Variants in C1QTNF3 observed in about 807,000 individuals in gnomAD.
C1QTNF3 encodes complement C1q tumor necrosis factor-related protein 3.
In C1QTNF3, 26 loss-of-function variants were observed where a neutral mutation model predicts 32.6. The observed-to-expected ratio is 0.80, with a 90% CI of 0.58 to 1.11. The LOEUF (loss-of-function observed/expected upper bound fraction) is 1.11, where lower values mean the gene tolerates loss of function less well. Among genes scored for constraint, C1QTNF3 ranks in the 50% least tolerant of loss-of-function variants. C1QTNF3 has a pLI of 0.00. For synonymous variants in C1QTNF3, 155 were observed against 146.0 expected (o/e 1.06, Z -0.44); for missense variants, 362 against 398.2 (o/e 0.91, Z 0.77).
intron 1 of C1QTNF3, among the ~76,000 whole-genome samples, chr5:34,042,175 A>T (rs1754886355): frequency 6.6e-6 from 1 of 152,050 alleles, no homozygotes; most frequent in South Asian, 2.1e-4. Context: ...CCTGAGAAAT[A>T]GATCAAGTCC....
the C1QTNF3 span, among the ~76,000 whole-genome samples, chr5:34,209,860 C>A: frequency 6.6e-6 from 1 of 152,024 alleles, no homozygotes; most frequent in South Asian, 2.1e-4. Flanking sequence ...CCTAAACTAA[C>A]GATTTTAAAC....
the C1QTNF3 span, chr5:34,167,037 AGTTTTCTCCAC>A: frequency 1.3e-5 from 2 of 152,132 alleles, no homozygotes; most frequent in Admixed American, 1.3e-4. Flanking sequence ...TAGAGATTCT[AGTTTTCTCCAC>A]ATTTTCTCTA....
chr5:34,230,187 C>A, the C1QTNF3 span, among the ~76,000 whole-genome samples: 1 of 152,176 alleles, frequency 6.6e-6, no homozygotes, highest in Non-Finnish European at 1.5e-5. Flanking sequence ...GAACATGCAT[C>A]AAAGAATGCA....
the C1QTNF3 span, among the ~76,000 whole-genome samples, chr5:34,066,084 T>C: frequency 1.3e-5 from 2 of 152,224 alleles, no homozygotes; most frequent in East Asian, 3.8e-4. Flanking sequence ...TCCTAGAAGG[T>C]CATATACCAG....
chr5:34,064,727 A>G, the C1QTNF3 span, among the ~76,000 whole-genome samples: 1 of 152,182 alleles, frequency 6.6e-6, no homozygotes, highest in East Asian at 1.9e-4. Flanking sequence ...TGTAACAAAC[A>G]CAGACCAGAA....
chr5:34,226,914 T>G, the C1QTNF3 span, among the ~76,000 whole-genome samples: 800 of 151,566 alleles, frequency 5.3e-3, 46 homozygotes, highest in East Asian at 0.11. Context: ...ACAAGATGGA[T>G]CCTTCTTCTG....
the C1QTNF3 span, among the ~76,000 whole-genome samples, chr5:34,118,210 G>T: frequency 6.6e-6 from 1 of 152,128 alleles, no homozygotes; most frequent in South Asian, 2.1e-4. Context: ...CGCTCGAGTA[G>T]CTGGAATTAC....
the C1QTNF3 span, among the ~76,000 whole-genome samples, chr5:34,065,094 G>T: frequency 1.3e-5 from 2 of 152,114 alleles, no homozygotes; most frequent in Non-Finnish European, 2.9e-5. Context: ...ACTATCAACA[G>T]AGTAAACAGA....
chr5:34,176,935 G>A, the C1QTNF3 span, among the ~76,000 whole-genome samples: 2 of 152,080 alleles, frequency 1.3e-5, no homozygotes, highest in Non-Finnish European at 2.9e-5. Context: ...GCTCAGGTCT[G>A]TAATCCCAGC....
At chr5:34,040,443 G>A (rs1432183433) in intron 1 of C1QTNF3, among the ~76,000 whole-genome samples, 1 of 151,990 alleles carries the variant, frequency 6.6e-6, no homozygotes, top group Non-Finnish European at 1.5e-5. Flanking sequence ...GGAGGAGGGA[G>A]AAATGGGTAT....
At chr5:34,126,910 G>T in the C1QTNF3 span, among the ~76,000 whole-genome samples, 1 of 152,108 alleles carries the variant, frequency 6.6e-6, no homozygotes, top group Admixed American at 6.6e-5. Context: ...TGAATCATGG[G>T]GGCGGACATC....
chr5:34,137,421 G>A, the C1QTNF3 span, among the ~76,000 whole-genome samples: 7 of 152,116 alleles, frequency 4.6e-5, no homozygotes, highest in African/African-American at 1.4e-4. Flanking sequence ...GTTAGACACA[G>A]CACACATATC....
chr5:34,200,470 A>G, the C1QTNF3 span: 1 of 151,988 alleles, frequency 6.6e-6, no homozygotes, highest in East Asian at 1.9e-4. Flanking sequence ...AGTTTGAGCC[A>G]TCATGACCAA....
the C1QTNF3 span, among the ~76,000 whole-genome samples, chr5:34,063,511 G>A: frequency 6.6e-6 from 1 of 151,256 alleles, no homozygotes; most frequent in Non-Finnish European, 1.5e-5. Context: ...CTTGGAGATT[G>A]TACTGGTGGG....
chr5:34,219,874 T>C, the C1QTNF3 span: 43 of 152,128 alleles, frequency 2.8e-4, no homozygotes, highest in African/African-American at 9.9e-4. Context: ...ACAGGGGCTA[T>C]ACTAATAAAC....
chr5:34,218,428 G>A, the C1QTNF3 span: 1 of 151,078 alleles, frequency 6.6e-6, no homozygotes, highest in African/African-American at 2.5e-5. Context: ...ATTGTGTGGA[G>A]TGCAGGCCAT....
chr5:34,031,415 A>C (rs1754610777), intron 3 of C1QTNF3, among the ~76,000 whole-genome samples: 1 of 152,300 alleles, frequency 6.6e-6, no homozygotes, highest in South Asian at 2.1e-4. Context: ...TATGGGTTAG[A>C]GTGTCTAGCT....
chr5:34,092,939 T>C, the C1QTNF3 span, among the ~76,000 whole-genome samples: 3 of 152,026 alleles, frequency 2.0e-5, no homozygotes, highest in Admixed American at 2.0e-4. Flanking sequence ...CGATGTAGAC[T>C]ATGATATGTT....
the C1QTNF3 span, among the ~76,000 whole-genome samples, chr5:34,051,943 C>T: frequency 6.6e-6 from 1 of 152,184 alleles, no homozygotes; most frequent in Non-Finnish European, 1.5e-5. Flanking sequence ...CAGCCTGGGT[C>T]CTTGAGTGAC....
Sources: gnomAD v4.1 joint callset for allele counts (sites outside exome capture counted in the v4.1 genomes callset) on GRCh38, gnomAD v4.1.1 for gene constraint, MANE v1.5 for transcripts, NCBI Gene and HGNC (gene_info 2026-07-23, HGNC 2026-07-21) for gene names.